The following NOP2 variants were observed in gnomAD, a reference collection of about 807,000 sequenced individuals.
The protein encoded by NOP2 is 28S rRNA (cytosine(4447)-C(5))-methyltransferase.
Under a neutral mutation model 72.7 loss-of-function variants are expected in NOP2, and 7 were observed. That is an observed-to-expected ratio of 0.10 (90% confidence interval 0.05 to 0.18). The LOEUF is 0.18. NOP2 is among the 10% of genes least tolerant of loss of function. The probability of loss-of-function intolerance (pLI) is 1.00; values close to 1 mark genes in which losing one functional copy is unlikely to be tolerated. For synonymous variants in NOP2, 387 were observed against 388.0 expected, an observed-to-expected ratio of 1.00 and a Z score of 0.03; for missense variants, 954 against 1,014.7, an observed-to-expected ratio of 0.94 and a Z score of 0.81.
intron 11 of NOP2, among the ~76,000 whole-genome samples, chr12:6,561,388 C>T (rs1947646302): frequency 6.6e-6 from 1 of 152,188 alleles, no homozygotes; most frequent in Admixed American, 6.5e-5. Flanking sequence ...CTTCTAAACG[C>T]ATCATTTTAA....
rs1947503787 is a variant in NOP2 at position 6,557,159 on chromosome 12, T to C, written c.2273A>G (p.Gln758Arg). Residue 758 changes from glutamine (Q) to arginine (R), a missense_variant, in exon 16 of 16, where the codon CAG (glutamine) becomes CGG (arginine). Gln to Arg is a conservative substitution (Grantham distance 43). Around this residue, in one of 3 missense-constraint regions of NOP2, gnomAD observed 269 missense variants for 260.2 expected, o/e 1.03. Coordinates refer to ENST00000322166, the MANE Select transcript of NOP2 (RefSeq NM_001258308.2). ...CTCAAAAGGCTGCTCTGGCAACTGC[T>C]GCTTCTCAACCCCCTTGGCCCTTCC... ...PLGRAKGVEKQQLPEQPFEKA... is the reference protein window; with the variant it reads ...PLGRAKGVEKRQLPEQPFEKA... The C allele has an allele frequency of 2.5e-6, 4 of 1,613,932 alleles. No individual in the cohort carries two copies. The South Asian group carries it at 3.3e-5, about 13-fold the overall frequency.
At position 6,565,154 on chromosome 12, in the gene NOP2, TA is replaced by T. The variant is rs1455367622; in HGVS notation, c.474+946del. Among the ~76,000 whole-genome samples, 40 of 137,718 alleles carry T rather than the reference TA, an allele frequency of 2.9e-4. No individual in the cohort carries two copies. The East Asian group carries it at 4.7e-3, about 16-fold the overall frequency. The allele number at this position is 137,718 out of a possible 152,430, so 90.3% of individuals were successfully genotyped here. Reference sequence around the variant, plus strand: ...AATTACTATGTCAAAAGGAAGCAGTTATTTTTTTTTTTTTTTTTTGAGACAG... The same window carrying T: ...AATTACTATGTCAAAAGGAAGCAGTTTTTTTTTTTTTTTTTTTTGAGACAG... On this transcript the variant is annotated intron_variant, in intron 5 of 15. Transcript: ENST00000322166.
At chr12:6,562,044 G>C (rs1947666162) in intron 9 of NOP2, 73 bp from the exon 10 acceptor site, 9 of 1,163,918 alleles carry the variant, frequency 7.7e-6, no homozygotes, top group Non-Finnish European at 1.0e-5. Context: ...GCTAGAGTGA[G>C]GTGGCGCAAT....
chr12:6,557,332 T>C lies in NOP2; in HGVS notation c.2100A>G (p.Gln700=), dbSNP rs752413449. ...TGGAGGACTGTAATTTAGGTGATCG[T>C]TGCTTTAGCTTCCCAGTCACCTTTG... is the stretch of plus-strand genomic sequence containing the variant. ...REPKVTGKLK[Q]RSPKLQSSKK... Residue 700 remains glutamine (Q), a synonymous_variant, in exon 16 of 16, where the codon CAA becomes CAG. Coordinates refer to ENST00000322166, the MANE Select transcript of NOP2 (RefSeq NM_001258308.2). 1.2e-6 allele frequency: 2 copies of C among 1,614,018 alleles called. No homozygotes were observed. Among genetic ancestry groups the C allele is most frequent in the South Asian group, 2.2e-5 (2 of 91,086 alleles).
At chr12:6,563,009 C>A in intron 9 of NOP2, 72 bp downstream of exon 9, 1 of 1,428,616 alleles carries the variant, frequency 7.0e-7, no homozygotes, top group African/African-American at 1.4e-5. Context: ...CAGGGTAGCA[C>A]AGAGGAATCT....
At chr12:6,567,128 TTAG>T (rs796379083) in intron 2 of NOP2, among the ~76,000 whole-genome samples, 2 of 152,262 alleles carry the variant, frequency 1.3e-5, no homozygotes, top group South Asian at 4.2e-4. Context: ...TGTTGTATTT[TTAG>T]TAAAGACAGG....
chr12:6,563,455 G>T lies in NOP2; in HGVS notation c.748C>A (p.Leu250Met). Residue 250 changes from leucine to methionine, a missense_variant, in exon 8 of 16, where the codon CTG becomes ATG. By Grantham distance (15) the Leu-to-Met change is conservative. This residue lies in a region of NOP2 where 498 missense variants were observed against 478.3 expected (regional missense o/e 1.04). Coordinates refer to ENST00000322166, the MANE Select transcript of NOP2 (RefSeq NM_001258308.2). ...TCCCGCTGAGCCCCAAAATCACGCA[G>T]AATTCCCACAATATCCTGGATCCGC... ...HKRIQDIVGI[L>M]RDFGAQREEG... The T allele has an allele frequency of 6.2e-7, 1 of 1,611,682 alleles. No homozygotes were observed. Among genetic ancestry groups the T allele is most frequent in the South Asian group, 1.1e-5 (1 of 90,510 alleles).
At chr12:6,565,800 T>G (rs1947765544) in intron 5 of NOP2, among the ~76,000 whole-genome samples, 1 of 152,200 alleles carries the variant, frequency 6.6e-6, no homozygotes, top group Non-Finnish European at 1.5e-5. Flanking sequence ...TTCAAAGTTC[T>G]GAGATAACTG....
rs1322891426 is a variant in NOP2 at position 6,557,239 on chromosome 12, T to C, written c.2193A>G (p.Leu731=). 6.2e-7 allele frequency: 1 copy of C among 1,614,046 alleles called. No individual in the cohort carries two copies. Among genetic ancestry groups the C allele is most frequent in the East Asian group, 2.2e-5 (1 of 44,884 alleles). Residue 731 remains leucine (L), a synonymous_variant, in exon 16 of 16, where the codon TTA becomes TTG. Transcript: ENST00000322166. ...GGGTGGCCTGAGTCTTGGATGGGGA[T>C]AACACAGCCGGTGTTTGTGTGTCTG... ...KGTDTQTPAV[L]SPSKTQATLK... is the part of the protein sequence containing the mutation.
intron 1 of NOP2, 58 bp from the exon 2 acceptor site, chr12:6,567,980 A>C (rs1044718297): frequency 7.3e-7 from 1 of 1,365,106 alleles, no homozygotes; most frequent in African/African-American, 1.4e-5. Flanking sequence ...GAACGGCAGA[A>C]CGCACGCTTG....
In NOP2 at chr12:6,566,524, C is replaced by T; in HGVS notation, c.238+5G>A. 6.2e-7 allele frequency: 1 copy of T among 1,613,628 alleles called. No homozygotes were observed. On this transcript the variant is annotated splice_donor_5th_base_variant and intron_variant, in intron 4 of 15. Coordinates refer to ENST00000322166, the MANE Select transcript of NOP2 (RefSeq NM_001258308.2). ...ATGTAGCATCCAGCTCTTAGTTTCA[C>T]GGACCTTTTGGTAGCTTTCCAGGCA...
At chr12:6,562,997 G>C in intron 9 of NOP2, 84 bp downstream of exon 9, 1 of 1,352,996 alleles carries the variant, frequency 7.4e-7, no homozygotes. Context: ...GCCCCACCCA[G>C]TCAGGGTAGC....
At chr12:6,565,768 C>T (rs1466182949) in intron 5 of NOP2, among the ~76,000 whole-genome samples, 2 of 152,204 alleles carry the variant, frequency 1.3e-5, no homozygotes, top group African/African-American at 4.8e-5. Flanking sequence ...AGGCACCATA[C>T]CCAGCCAAAA....
rs1947840052 is a variant in NOP2 at position 6,568,198 on chromosome 12, T to A, written c.-5+9A>T. On this transcript the variant is annotated intron_variant, in intron 1 of 15. Transcript: ENST00000322166. ...CCACTCTTCGTCCCCCAATTTCCTC[T>A]AGACCCACCAGAATGCGGGTTAATG... 4 of 408,908 alleles carry A rather than the reference T, an allele frequency of 9.8e-6. No individual in the cohort carries two copies. Among genetic ancestry groups the A allele is most frequent in the Non-Finnish European group, 1.8e-5 (4 of 226,224 alleles). The allele number at this position is 408,908 out of a possible 1,614,324, so 25.3% of individuals were successfully genotyped here.
intron 10 of NOP2, 40 bp from the exon 11 acceptor site, chr12:6,561,844 G>A (rs1212304567): frequency 6.2e-7 from 1 of 1,609,578 alleles, no homozygotes; most frequent in Admixed American, 1.7e-5. Flanking sequence ...GGTAGGGACA[G>A]GGACAGAGGT....
rs371066800 is a variant in NOP2, at chr12:6,565,426, C to T, written c.474+675G>A. On this transcript the variant is annotated intron_variant, in intron 5 of 15. Transcript: ENST00000322166. ...CATGATCTCGGCTCACTGCCATCTC[C>T]GCCTCACAGGTTCAAGCAATTTTCC... is the stretch of plus-strand genomic sequence containing the variant. 1.6e-4 allele frequency among the ~76,000 whole-genome samples: 25 copies of T among 152,200 alleles called. 1 individual carries two copies. In the South Asian group the frequency reaches 3.1e-3, roughly 19 times the overall value.
chr12:6,560,029 AC>A lies in NOP2; in HGVS notation c.1789+68del. 1 of 1,162,402 alleles carries A rather than the reference AC, an allele frequency of 8.6e-7. No homozygotes were observed. Among genetic ancestry groups the A allele is most frequent in the Non-Finnish European group, 1.3e-6 (1 of 785,208 alleles). 72.0% of individuals were successfully genotyped at this position (1,162,402 alleles called of 1,614,324 possible). A position where few individuals can be genotyped will look rare whatever the true frequency, so the allele number is the denominator to read the frequency against. ...ATCTTTCCTTTCCCTTCCTCTTGTC[AC>A]ACCATAAAGCCTCCTGAAAGGTGGA... is the stretch of plus-strand genomic sequence containing the variant. On this transcript the variant is annotated intron_variant, in intron 15 of 15. Coordinates refer to ENST00000322166, the MANE Select transcript of NOP2 (RefSeq NM_001258308.2). The surrounding 1 kb of genome is among the most constrained non-coding windows in gnomAD (Gnocchi z 5.0).
chr12:6,564,231 G>A (rs776053898), intron 5 of NOP2: 47 of 483,758 alleles, frequency 9.7e-5, no homozygotes, highest in South Asian at 6.6e-4. Flanking sequence ...AGCCAAGACC[G>A]AGCCACTGCA....
rs755020028 is a variant in NOP2, at chr12:6,563,622, A to C, written c.680T>G (p.Met227Arg). ...CTGCCCTGCAAGGATATCCTGCTCC[A>C]TCTCCCCAGCAGGGGGCAGCACAAA... Reference protein sequence around the residue: ...EPFVLPPAGEMEQDAQAPDLQ... With the variant: ...EPFVLPPAGEREQDAQAPDLQ... The change falls in exon 7 of 16, where the codon ATG becomes AGG. Residue 227 changes from methionine to arginine, a missense_variant. Met to Arg is a moderately conservative substitution (Grantham distance 91). This residue lies in a region of NOP2 where 498 missense variants were observed against 478.3 expected (regional missense o/e 1.04). Coordinates refer to ENST00000322166, the MANE Select transcript of NOP2 (RefSeq NM_001258308.2). 2 of 1,611,532 alleles carry C rather than the reference A, an allele frequency of 1.2e-6. No individual in the cohort carries two copies. Among genetic ancestry groups the C allele is most frequent in the Non-Finnish European group, 1.7e-6 (2 of 1,178,614 alleles).
Sources: gnomAD v4.1 joint callset for allele counts (sites outside exome capture counted in the v4.1 genomes callset) on GRCh38, gnomAD v4.1.1 for gene constraint, gnomAD v4.1.1 regional missense constraint, Gnocchi (gnomAD v3.1) non-coding constraint, MANE v1.5 for transcripts, NCBI Gene and HGNC (gene_info 2026-07-23, HGNC 2026-07-21) for gene names.